CNTNAP2: variants seen among roughly 807,000 people sequenced by gnomAD.
CNTNAP2 encodes the protein contactin associated protein 2.
Under a neutral mutation model 155.2 loss-of-function variants are expected in CNTNAP2, and 98 were observed. The observed-to-expected ratio is 0.63, with a 90% CI of 0.54 to 0.75. The LOEUF (loss-of-function observed/expected upper bound fraction) is 0.75, where lower values mean the gene tolerates loss of function less well. Ranked by LOEUF, CNTNAP2 falls within the 30% of genes least tolerant of loss-of-function variation. The probability of loss-of-function intolerance (pLI) is 0.00; values close to 1 mark genes in which losing one functional copy is unlikely to be tolerated. For missense variants in CNTNAP2, 1,727 were observed against 1,688.1 expected (o/e 1.02, Z -0.40); for synonymous variants, 651 against 631.2 (o/e 1.03, Z -0.47).
intron 4 of CNTNAP2, among the ~76,000 whole-genome samples, chr7:147,085,227 G>A (rs1800247148): frequency 6.6e-6 from 1 of 151,874 alleles, no homozygotes; most frequent in Non-Finnish European, 1.5e-5. Context: ...TATCCCTTTT[G>A]CCTGGGCTGG....
At chr7:147,246,180 T>C (rs933135459) in intron 8 of CNTNAP2, among the ~76,000 whole-genome samples, 1 of 148,452 alleles carries the variant, frequency 6.7e-6, no homozygotes, top group Non-Finnish European at 1.5e-5. Flanking sequence ...AGATAGCATA[T>C]CCAAAATTTG....
intron 3 of CNTNAP2, among the ~76,000 whole-genome samples, chr7:147,042,725 C>G (rs1799283666): frequency 6.6e-6 from 1 of 152,100 alleles, no homozygotes; most frequent in East Asian, 1.9e-4. Context: ...TGTGTTGCAT[C>G]TTTTCATGAT....
chr7:147,600,239 A>T (rs1247637231), intron 12 of CNTNAP2, among the ~76,000 whole-genome samples: 1 of 152,190 alleles, frequency 6.6e-6, no homozygotes, highest in Non-Finnish European at 1.5e-5. Context: ...GAGGCTTAAA[A>T]GTTCTACAGA....
At chr7:148,222,006 C>A (rs1431074910) in intron 19 of CNTNAP2, among the ~76,000 whole-genome samples, 3 of 152,212 alleles carry the variant, frequency 2.0e-5, no homozygotes, top group Non-Finnish European at 4.4e-5. Flanking sequence ...TTGGAGGCCA[C>A]CTGCCCAGTG....
chr7:147,386,038 T>A (rs181132055), intron 9 of CNTNAP2, among the ~76,000 whole-genome samples: 4 of 152,194 alleles, frequency 2.6e-5, no homozygotes, highest in Non-Finnish European at 5.9e-5. Flanking sequence ...CTGCCAAGAC[T>A]TGGGGCTTCT....
intron 2 of CNTNAP2, among the ~76,000 whole-genome samples, chr7:146,825,904 C>A (rs1803391308): frequency 1.3e-5 from 2 of 152,126 alleles, no homozygotes; most frequent in South Asian, 4.1e-4. Context: ...TATCACTGCA[C>A]ACAGGGCAGA....
chr7:147,078,863 C>T (rs948765238), intron 4 of CNTNAP2, among the ~76,000 whole-genome samples: 2 of 151,942 alleles, frequency 1.3e-5, no homozygotes, highest in East Asian at 1.9e-4. Context: ...AATTCTCCTA[C>T]GTCAGTCTCC....
In CNTNAP2 at chr7:148,118,272, C is replaced by G. The variant is rs199891706; in HGVS notation, c.2538C>G (p.Ile846Met). ...AAAATATGGGAAAGGAAGATTTCAT[C>G]AAGCTGGAGCTGAAGTGTGAGTATA... ...FLENMGKEDF[I>M]KLELKSATEV... The change falls in exon 16 of 24, where the codon ATC becomes ATG. Residue 846 changes from isoleucine (I) to methionine (M), a missense_variant. Physicochemically the swap from Ile to Met is conservative, Grantham distance 10. Coordinates refer to ENST00000361727, the MANE Select transcript of CNTNAP2 (RefSeq NM_014141.6). The G allele has an allele frequency of 6.2e-7, 1 of 1,614,146 alleles. No homozygotes were observed. Among genetic ancestry groups the G allele is most frequent in the Non-Finnish European group, 8.5e-7 (1 of 1,180,010 alleles).
chr7:147,554,869 C>G (rs565008289), intron 11 of CNTNAP2, among the ~76,000 whole-genome samples: 12 of 151,712 alleles, frequency 7.9e-5, no homozygotes, highest in African/African-American at 2.9e-4. Flanking sequence ...TCCAAACAGA[C>G]AGAGAACATA....
intron 14 of CNTNAP2, among the ~76,000 whole-genome samples, chr7:147,977,503 T>A (rs534243718): frequency 2.2e-4 from 33 of 152,260 alleles, no homozygotes; most frequent in Non-Finnish European, 4.3e-4. Flanking sequence ...AGCGACCAGG[T>A]TGACTTTGTT....
intron 4 of CNTNAP2, among the ~76,000 whole-genome samples, chr7:147,071,171 G>A (rs752467167): frequency 1.8e-4 from 28 of 151,948 alleles, no homozygotes; most frequent in South Asian, 4.2e-4. Flanking sequence ...TAATTTCATC[G>A]GCAAATGGCC....
intron 1 of CNTNAP2, among the ~76,000 whole-genome samples, chr7:146,770,519 G>A (rs1802275966): frequency 1.3e-5 from 2 of 151,840 alleles, no homozygotes; most frequent in African/African-American, 4.8e-5. Flanking sequence ...GAGATTGCTG[G>A]TGCTTTACAT....
intron 1 of CNTNAP2, among the ~76,000 whole-genome samples, chr7:146,433,363 G>A (rs759243191): frequency 6.6e-6 from 1 of 152,084 alleles, no homozygotes; most frequent in Admixed American, 6.6e-5. Flanking sequence ...CTTGAGCTGT[G>A]ATGCTCAGTG....
At chr7:146,547,372 T>A (rs1452874868) in intron 1 of CNTNAP2, among the ~76,000 whole-genome samples, 1 of 151,994 alleles carries the variant, frequency 6.6e-6, no homozygotes, top group Admixed American at 6.6e-5. Flanking sequence ...ACCCTTAAGA[T>A]CTATCCTCTT....
intron 15 of CNTNAP2, among the ~76,000 whole-genome samples, chr7:148,034,311 C>G (rs895254459): frequency 7.2e-4 from 109 of 152,216 alleles, no homozygotes; most frequent in African/African-American, 2.5e-3. Flanking sequence ...TTAATTGTTC[C>G]CCCCAAAGTG....
At chr7:146,135,172 A>T (rs1278424494) in intron 1 of CNTNAP2, among the ~76,000 whole-genome samples, 1 of 152,154 alleles carries the variant, frequency 6.6e-6, no homozygotes. Flanking sequence ...GTCATAGAAA[A>T]TTTCCTACTT....
intron 2 of CNTNAP2, among the ~76,000 whole-genome samples, chr7:146,783,235 TA>T (rs1448171275): frequency 6.6e-6 from 1 of 152,146 alleles, no homozygotes; most frequent in Non-Finnish European, 1.5e-5. Context: ...AAGCCTCATA[TA>T]AAAAATTGTT....
chr7:147,641,664 G>T (rs1795280393), intron 13 of CNTNAP2, among the ~76,000 whole-genome samples: 2 of 152,180 alleles, frequency 1.3e-5, no homozygotes, highest in African/African-American at 2.4e-5. Context: ...AGATCATAAT[G>T]GTGGGGTCCT....
At chr7:146,623,591 G>A (rs1377703559) in intron 1 of CNTNAP2, among the ~76,000 whole-genome samples, 2 of 152,054 alleles carry the variant, frequency 1.3e-5, no homozygotes, top group Non-Finnish European at 1.5e-5. Context: ...GTCTTTGCAT[G>A]GCTTTTAGCT....
Sources: allele counts gnomAD v4.1 joint callset (sites outside exome capture counted in the v4.1 genomes callset), GRCh38; gene constraint gnomAD v4.1.1; transcripts MANE v1.5; gene names NCBI Gene and HGNC (gene_info 2026-07-23, HGNC 2026-07-21).